Variants in RHOBTB3 observed in about 807,000 individuals in gnomAD.
The protein encoded by RHOBTB3 is Rho related BTB domain containing 3, also known as rho-related BTB domain-containing protein 3.
Under a neutral mutation model 67.2 loss-of-function variants are expected in RHOBTB3, and 47 were observed. The observed-to-expected ratio is 0.70, with a 90% CI of 0.55 to 0.89. The LOEUF is 0.89. Among genes scored for constraint, RHOBTB3 ranks in the 40% least tolerant of loss-of-function variants. The pLI, the probability that RHOBTB3 is intolerant of heterozygous loss-of-function variation, is 0.00. For synonymous variants in RHOBTB3, 273 were observed against 274.2 expected (o/e 1.00, Z 0.04); for missense variants, 631 against 750.0 (o/e 0.84, Z 1.85).
intron 10 of RHOBTB3, among the ~76,000 whole-genome samples, chr5:95,785,028 G>A (rs748278444): frequency 4.6e-5 from 7 of 152,066 alleles, no homozygotes; most frequent in East Asian, 1.9e-4. Flanking sequence ...CAACTTTGAC[G>A]TCCAGGGTTA....
chr5:95,793,796 G>T lies in RHOBTB3; in HGVS notation c.*622G>T. The T allele has an allele frequency of 3.3e-6, 1 of 305,006 alleles. No individual in the cohort carries two copies. The highest frequency in any genetic ancestry group is 6.5e-6 in the Non-Finnish European group (1 of 153,856). The allele number at this position is 305,006 out of a possible 1,614,324, so 18.9% of individuals were successfully genotyped here. On this transcript the variant is annotated 3_prime_UTR_variant, in exon 12 of 12. Coordinates refer to ENST00000379982, the MANE Select transcript of RHOBTB3 (RefSeq NM_014899.4). ...CAATCTGAGTAGGCGGGGAACCTAG[G>T]CAGGGCTGGCTTTCTTAGCGTGTAA...
intron 3 of RHOBTB3, among the ~76,000 whole-genome samples, chr5:95,741,523 G>GTTTTTTTTTTT (rs70978191): frequency 1.2e-5 from 1 of 84,852 alleles, no homozygotes; most frequent in Non-Finnish European, 2.2e-5. Flanking sequence ...CTTTCTTTCT[G>GTTTTTTTTTTT]TTTTTTTTTT....
rs533236976 is a variant in RHOBTB3, at chr5:95,770,335, T to C, written c.1282+2169T>C. ...CATCATTCTGGGATGGGGTTGTGCCTTGCTTCAGTTCATTCCAGCCTTGGA... is the reference window on the plus strand; with the variant it reads ...CATCATTCTGGGATGGGGTTGTGCCCTGCTTCAGTTCATTCCAGCCTTGGA... On this transcript the variant is annotated intron_variant, in intron 8 of 11. Transcript: ENST00000379982. 13 of 275,310 alleles carry C rather than the reference T, an allele frequency of 4.7e-5. 1 individual carries two copies. In the East Asian group the frequency reaches 1.1e-3, roughly 24 times the overall value. The allele number at this position is 275,310 out of a possible 1,614,324, so 17.1% of individuals were successfully genotyped here. A position where few individuals can be genotyped will look rare whatever the true frequency, so the allele number is the denominator to read the frequency against.
At chr5:95,741,255 G>T (rs987375013) in intron 3 of RHOBTB3, among the ~76,000 whole-genome samples, 1 of 151,060 alleles carries the variant, frequency 6.6e-6, no homozygotes, top group South Asian at 2.1e-4. Flanking sequence ...ACGAACCCAG[G>T]AGGCGGAGGT....
Position 95,796,038 on chromosome 5 carries a change from A to T in RHOBTB3, c.*2864A>T, listed in dbSNP as rs1002187876. On this transcript the variant is annotated 3_prime_UTR_variant, in exon 12 of 12. Coordinates refer to ENST00000379982, the MANE Select transcript of RHOBTB3 (RefSeq NM_014899.4). Reference sequence around the variant, plus strand: ...TTTGTAATATAGAATTCTCCATAACATGAATGAAATTAATTCTGTCCAAGC... The same window carrying T: ...TTTGTAATATAGAATTCTCCATAACTTGAATGAAATTAATTCTGTCCAAGC... 6.6e-6 allele frequency: 1 copy of T among 152,228 alleles called. No individual in the cohort carries two copies. The highest frequency in any genetic ancestry group is 1.5e-5 in the Non-Finnish European group (1 of 68,042). The allele number at this position is 152,228 out of a possible 1,614,324, so 9.4% of individuals were successfully genotyped here. A position where few individuals can be genotyped will look rare whatever the true frequency, so the allele number is the denominator to read the frequency against.
chr5:95,777,778 T>C (rs973883364), intron 8 of RHOBTB3, among the ~76,000 whole-genome samples: 1 of 152,070 alleles, frequency 6.6e-6, no homozygotes, highest in African/African-American at 2.4e-5. Flanking sequence ...AGCGTAATGG[T>C]TTTCCAAACT....
Position 95,769,029 on chromosome 5 carries a change from G to A in RHOBTB3, c.1282+863G>A, listed in dbSNP as rs559995614. ...TGGATTACCCAGTCTTTCCGCAGAC[G>A]AGACCAGGTTACTGGGATCCTCATC... On this transcript the variant is annotated intron_variant, in intron 8 of 11. Transcript: ENST00000379982. 36 of 276,500 alleles carry A rather than the reference G, an allele frequency of 1.3e-4. No homozygotes were observed. In the East Asian group the frequency reaches 2.6e-3, roughly 20 times the overall value. 17.1% of individuals were successfully genotyped at this position (276,500 alleles called of 1,614,324 possible). A position where few individuals can be genotyped will look rare whatever the true frequency, so the allele number is the denominator to read the frequency against.
chr5:95,721,048 G>T (rs1211771281), intron 1 of RHOBTB3, among the ~76,000 whole-genome samples: 1 of 152,098 alleles, frequency 6.6e-6, no homozygotes, highest in Non-Finnish European at 1.5e-5. Flanking sequence ...AATTTTACCC[G>T]GTGGTAATTA....
Position 95,725,831 on chromosome 5 carries a change from A to G in RHOBTB3, n.134-6028A>G, listed in dbSNP as rs1410140311. Among the ~76,000 whole-genome samples the G allele has an allele frequency of 5.4e-5, 8 of 147,004 alleles. No individual in the cohort carries two copies. The Admixed American group carries it at 5.4e-4, about 10-fold the overall frequency. On this transcript the variant is annotated intron_variant and non_coding_transcript_variant, in intron 1 of 5. Transcript: ENST00000504949. ...TTCTTTTTTTTTTTTTTGAATGTTT[A>G]GTCAAAACAACTAATCCATCAGTGG...
intron 6 of RHOBTB3, among the ~76,000 whole-genome samples, chr5:95,760,663 A>C (rs761147604): frequency 5.3e-5 from 8 of 152,250 alleles, no homozygotes; most frequent in Non-Finnish European, 1.0e-4. Flanking sequence ...TAAGAAGTTA[A>C]CTAAAGAAAA....
rs1755290432 is a variant in RHOBTB3, at chr5:95,732,090, G to A, written c.228+6G>A. ...TCCACGACTGTCCCGTCTGGGTAAG[G>A]AAGAGCAGCTGCTCCGCGCTGAGGC... On this transcript the variant is annotated splice_donor_region_variant and intron_variant, in intron 2 of 11. Coordinates refer to ENST00000379982, the MANE Select transcript of RHOBTB3 (RefSeq NM_014899.4). 6.2e-7 allele frequency: 1 copy of A among 1,612,642 alleles called. No individual in the cohort carries two copies. Among genetic ancestry groups the A allele is most frequent in the Non-Finnish European group, 8.5e-7 (1 of 1,178,624 alleles).
At chr5:95,765,212 A>C (rs1323425317) in intron 7 of RHOBTB3, among the ~76,000 whole-genome samples, 1 of 152,338 alleles carries the variant, frequency 6.6e-6, no homozygotes, top group East Asian at 1.9e-4. Context: ...ATATACATCT[A>C]TAAAATATTC....
At chr5:95,778,319 A>C (rs1260056707) in intron 8 of RHOBTB3, among the ~76,000 whole-genome samples, 2 of 152,172 alleles carry the variant, frequency 1.3e-5, no homozygotes, top group Non-Finnish European at 2.9e-5. Flanking sequence ...TAAATGTTAT[A>C]TAAATAGTTG....
chr5:95,719,551 T>A (rs1319710499), intron 1 of RHOBTB3: 2 of 152,234 alleles, frequency 1.3e-5, no homozygotes, highest in Non-Finnish European at 2.9e-5. Context: ...AGTATTGGTC[T>A]AGCTCTGGAG....
chr5:95,739,073 C>G (rs528767702), intron 3 of RHOBTB3, among the ~76,000 whole-genome samples: 1 of 152,160 alleles, frequency 6.6e-6, no homozygotes, highest in African/African-American at 2.4e-5. Flanking sequence ...TATATAAACA[C>G]CGATAACTGT....
chr5:95,756,824 A>G (rs1745260136), intron 6 of RHOBTB3, among the ~76,000 whole-genome samples: 1 of 152,238 alleles, frequency 6.6e-6, no homozygotes, highest in South Asian at 2.1e-4. Context: ...AAAAACCATA[A>G]TCTGCCAAAC....
intron 3 of RHOBTB3, among the ~76,000 whole-genome samples, chr5:95,739,194 A>C (rs1266857202): frequency 6.6e-6 from 1 of 152,106 alleles, no homozygotes; most frequent in Admixed American, 6.6e-5. Context: ...CTATCCATTC[A>C]CCCAAACAAG....
chr5:95,747,162 T>C (rs1465581114), intron 3 of RHOBTB3, among the ~76,000 whole-genome samples: 1 of 151,910 alleles, frequency 6.6e-6, no homozygotes, highest in Non-Finnish European at 1.5e-5. Flanking sequence ...GGCTCAGCCC[T>C]TGTCTGATTG....
At chr5:95,719,842 G>A (rs1211979665) in intron 1 of RHOBTB3, 1 of 152,106 alleles carries the variant, frequency 6.6e-6, no homozygotes, top group African/African-American at 2.4e-5. Context: ...AGTTTGCTCT[G>A]GAAATGATAT....
Sources: allele counts gnomAD v4.1 joint callset (sites outside exome capture counted in the v4.1 genomes callset), GRCh38; gene constraint gnomAD v4.1.1; transcripts MANE v1.5; gene names NCBI Gene and HGNC (gene_info 2026-07-23, HGNC 2026-07-21).